The following MSTO1 variants were observed in gnomAD, a reference collection of about 807,000 sequenced individuals.
MSTO1 encodes the protein misato mitochondrial distribution and morphology regulator 1.
Under a neutral mutation model 55.7 loss-of-function variants are expected in MSTO1, and 24 were observed. The ratio of observed to expected loss-of-function variants is 0.43; its 90% CI spans 0.31 to 0.61. MSTO1 has a LOEUF of 0.61. Among genes scored for constraint, MSTO1 ranks in the 20% least tolerant of loss-of-function variants. The pLI, the probability that MSTO1 is intolerant of heterozygous loss-of-function variation, is 0.09. For missense variants in MSTO1, 363 were observed against 625.7 expected (o/e 0.58, Z 4.48); for synonymous variants, 162 against 252.8 (o/e 0.64, Z 3.41).
chr1:155,600,017 C>T, the MSTO1 span, among the ~76,000 whole-genome samples: 1 of 152,168 alleles, frequency 6.6e-6, no homozygotes, highest in African/African-American at 2.4e-5. Flanking sequence ...AGACAGATGC[C>T]TTCCTCTTGT....
Position 155,614,801 on chromosome 1 carries a change from C to T in MSTO1, c.*528C>T. ...GCATTGCTGGTACTGGTTGCATCAT[C>T]CTCATCCTCAGAGCTGGCTTCACAG... On this transcript the variant is annotated 3_prime_UTR_variant, in exon 14 of 14. Coordinates refer to ENST00000245564, the MANE Select transcript of MSTO1 (RefSeq NM_018116.4). 2 of 1,569,664 alleles carry T rather than the reference C, an allele frequency of 1.3e-6. No individual in the cohort carries two copies. Among genetic ancestry groups the T allele is most frequent in the South Asian group, 2.3e-5 (2 of 86,774 alleles).
At chr1:155,565,235 C>T in the MSTO1 span, among the ~76,000 whole-genome samples, 1 of 147,838 alleles carries the variant, frequency 6.8e-6, no homozygotes, top group African/African-American at 2.5e-5. Flanking sequence ...GGAGAGGTTG[C>T]AGTGAGTCGA....
At chr1:155,575,113 C>T in the MSTO1 span, among the ~76,000 whole-genome samples, 4 of 151,582 alleles carry the variant, frequency 2.6e-5, no homozygotes, top group African/African-American at 4.8e-5. Flanking sequence ...GTGATTCACT[C>T]GCCTCAGCTT....
At chr1:155,566,532 G>A in the MSTO1 span, among the ~76,000 whole-genome samples, 1 of 152,052 alleles carries the variant, frequency 6.6e-6, no homozygotes, top group East Asian at 1.9e-4. Flanking sequence ...GCTACCGTGA[G>A]CCATGATCAC....
rs112258960 is a variant in MSTO1, at chr1:155,613,505, T to C, written c.1327T>C (p.Cys443Arg). The C allele has an allele frequency of 2.5e-3, 4,026 of 1,613,802 alleles. 9 individuals carry two copies. In the African/African-American group the frequency reaches 0.048, roughly 19 times the overall value. Residue 443 changes from cysteine to arginine, a missense_variant, in exon 12 of 14, where the codon TGT becomes CGT. Cys to Arg is a radical substitution (Grantham distance 180). Coordinates refer to ENST00000245564, the MANE Select transcript of MSTO1 (RefSeq NM_018116.4). ...GTPPPSALHA[C>R]TTGEEILAQY... ...ACCTCCACCCTCTGCCCTTCATGCA[T>C]GTACCACTGGGGAAGAAATCTTGGC...
the MSTO1 span, among the ~76,000 whole-genome samples, chr1:155,599,777 G>A: frequency 6.6e-6 from 1 of 152,212 alleles, no homozygotes; most frequent in Admixed American, 6.5e-5. Flanking sequence ...AGTGGGGAGA[G>A]GGTCAACAGA....
the MSTO1 span, among the ~76,000 whole-genome samples, chr1:155,576,483 C>T: frequency 1.3e-5 from 2 of 151,688 alleles, no homozygotes; most frequent in Non-Finnish European, 2.9e-5. Flanking sequence ...CGCACCACCA[C>T]GCCCATCTAA....
At chr1:155,584,916 TTTTGTTTGTTTG>T in the MSTO1 span, among the ~76,000 whole-genome samples, 5,836 of 147,492 alleles carry the variant, frequency 0.04, 164 homozygotes, top group Non-Finnish European at 0.059. Context: ...TTTTTTTTTG[TTTTGTTTGTTTG>T]TTTGTTTGTT....
chr1:155,591,151 T>G, the MSTO1 span: 5 of 1,613,456 alleles, frequency 3.1e-6, no homozygotes, highest in Admixed American at 8.3e-5. Flanking sequence ...ACGATGCTGT[T>G]GCCGATGAAA....
the MSTO1 span, among the ~76,000 whole-genome samples, chr1:155,564,191 A>G: frequency 7.6e-4 from 116 of 152,322 alleles, 1 homozygote; most frequent in Admixed American, 7.6e-3. Context: ...TTCAGAAATG[A>G]CTGTTCAAAA....
the MSTO1 span, among the ~76,000 whole-genome samples, chr1:155,567,557 C>T: frequency 1.3e-5 from 2 of 151,636 alleles, no homozygotes; most frequent in African/African-American, 2.4e-5. Context: ...GCCTCGGCCT[C>T]CCAAAGTGCT....
the MSTO1 span, chr1:155,590,952 A>G: frequency 9.3e-6 from 15 of 1,613,890 alleles, no homozygotes; most frequent in Non-Finnish European, 1.3e-5. Context: ...CACAGGTGGT[A>G]CACTTGGCCC....
chr1:155,591,211 A>C, the MSTO1 span: 1 of 1,612,016 alleles, frequency 6.2e-7, no homozygotes, highest in Admixed American at 1.7e-5. Flanking sequence ...CCATTCACCC[A>C]GCCCAGCAGT....
chr1:155,579,353 A>C, the MSTO1 span, among the ~76,000 whole-genome samples: 2 of 151,264 alleles, frequency 1.3e-5, no homozygotes, highest in African/African-American at 2.4e-5. Flanking sequence ...AAACAAACAA[A>C]AAACCCAAGA....
chr1:155,612,461 G>T lies in MSTO1; in HGVS notation c.857G>T (p.Gly286Val), dbSNP rs2148991767. Residue 286 changes from glycine (G) to valine (V), a missense_variant, in exon 9 of 14, where the codon GGT (glycine) becomes GTT (valine). By Grantham distance (109) the Gly-to-Val change is moderately radical. Coordinates refer to ENST00000245564, the MANE Select transcript of MSTO1 (RefSeq NM_018116.4). Reference sequence around the variant, plus strand: ...TATCGTCTATTAAACACAGCTTTTGGTCTCGTGCACCTGACTGCTCACAGC... The same window carrying T: ...TATCGTCTATTAAACACAGCTTTTGTTCTCGTGCACCTGACTGCTCACAGC... ...NIYRLLNTAF[G>V]LVHLTAHSSL... 6.2e-7 allele frequency: 1 copy of T among 1,614,042 alleles called. No homozygotes were observed. Among genetic ancestry groups the T allele is most frequent in the East Asian group, 2.2e-5 (1 of 44,880 alleles).
At chr1:155,590,673 C>A in the MSTO1 span, 1 of 1,452,614 alleles carries the variant, frequency 6.9e-7, no homozygotes, top group Non-Finnish European at 9.3e-7. Flanking sequence ...AGTAGCGGGC[C>A]ATGTAATGGC....
the MSTO1 span, among the ~76,000 whole-genome samples, chr1:155,592,905 G>A: frequency 1.3e-5 from 2 of 150,040 alleles, no homozygotes; most frequent in Admixed American, 6.7e-5. Context: ...ATTTCCTACA[G>A]AGCAGTTTAC....
At chr1:155,576,823 G>A in the MSTO1 span, among the ~76,000 whole-genome samples, 5,759 of 148,512 alleles carry the variant, frequency 0.039, 383 homozygotes, top group African/African-American at 0.14. Context: ...AGACCATCCT[G>A]GCTAACATGG....
the MSTO1 span, chr1:155,563,336 G>A: frequency 9.9e-5 from 45 of 455,798 alleles, no homozygotes; most frequent in South Asian, 6.7e-4. Context: ...CACGGTGAGG[G>A]AATGGACCGA....
Sources: gnomAD v4.1 joint callset for allele counts (sites outside exome capture counted in the v4.1 genomes callset) on GRCh38, gnomAD v4.1.1 for gene constraint, MANE v1.5 for transcripts, NCBI Gene and HGNC (gene_info 2026-07-23, HGNC 2026-07-21) for gene names.